TPGS2: variants seen among roughly 807,000 people sequenced by gnomAD.
The protein encoded by TPGS2 is polyglutamylase subunit 2.
A neutral mutation model predicts 31.1 loss-of-function variants in TPGS2; 26 were observed. The ratio of observed to expected loss-of-function variants is 0.84; its 90% confidence interval spans 0.61 to 1.16. TPGS2 has a LOEUF of 1.16. Among genes scored for constraint, TPGS2 ranks in the 50% most tolerant of loss-of-function variants. The pLI is 0.00. For missense variants in TPGS2, 351 were observed against 363.8 expected (o/e 0.96, Z 0.29); for synonymous variants, 130 against 136.6 (o/e 0.95, Z 0.34).
At chr18:36,783,059 G>A (rs970626043) in exon 7 of TPGS2, 13 of 398,460 alleles carry the variant, frequency 3.3e-5, no homozygotes, top group African/African-American at 1.0e-4. Flanking sequence ...CTTCTGCTCC[G>A]GATTCCTGTT....
chr18:36,817,179 T>A (rs1180423044), intron 2 of TPGS2, among the ~76,000 whole-genome samples: 2 of 152,174 alleles, frequency 1.3e-5, no homozygotes. Context: ...GGGATGCTGC[T>A]GAGCTGAGGT....
intron 2 of TPGS2, 60 bp downstream of exon 2, chr18:36,818,834 C>T (rs1050346303): frequency 4.1e-6 from 6 of 1,458,100 alleles, no homozygotes; most frequent in Non-Finnish European, 5.7e-6. Flanking sequence ...CTTTCCTTCT[C>T]AGGGACATTT....
At chr18:36,805,775 C>T (rs767793194) in intron 3 of TPGS2, among the ~76,000 whole-genome samples, 43 of 152,244 alleles carry the variant, frequency 2.8e-4, no homozygotes, top group Non-Finnish European at 6.0e-4. Context: ...GGAATACCAA[C>T]AAAGAACTGG....
chr18:36,811,614 T>C (rs766096255), intron 2 of TPGS2, among the ~76,000 whole-genome samples: 33 of 152,148 alleles, frequency 2.2e-4, no homozygotes, highest in South Asian at 2.1e-4. Flanking sequence ...GGGGAAGCCT[T>C]TGCATCTACA....
At chr18:36,816,701 C>T (rs1029308112) in intron 2 of TPGS2, among the ~76,000 whole-genome samples, 2 of 152,158 alleles carry the variant, frequency 1.3e-5, no homozygotes, top group African/African-American at 4.8e-5. Context: ...CTCCGCCTCC[C>T]AGGTTCAAGC....
intron 2 of TPGS2, chr18:36,817,482 C>T (rs1243741668): frequency 1.3e-5 from 2 of 150,394 alleles, no homozygotes; most frequent in African/African-American, 4.9e-5. Context: ...GTTGCTCAGG[C>T]TAGAGTGCAG....
rs2044426158 is a variant in TPGS2, at chr18:36,794,381, GC to G, written c.*2423del. Reference sequence around the variant, plus strand: ...TTATCATAACCCCCTTCCTTTGATAGCCTTTTGAGAACTCCCACTTGATTGC... The same window carrying G: ...TTATCATAACCCCCTTCCTTTGATAGCTTTTGAGAACTCCCACTTGATTGC... On this transcript the variant is annotated 3_prime_UTR_variant, in exon 7 of 7. Coordinates refer to ENST00000334295, the MANE Select transcript of TPGS2 (RefSeq NM_015476.4). 4 of 985,340 alleles carry G rather than the reference GC, an allele frequency of 4.1e-6. No homozygotes were observed. The highest frequency in any genetic ancestry group is 1.7e-5 in the African/African-American group (1 of 57,210). The allele number at this position is 985,340 out of a possible 1,614,324, so 61.0% of individuals were successfully genotyped here.
intron 1 of TPGS2, among the ~76,000 whole-genome samples, chr18:36,825,563 A>C (rs191994101): frequency 6.6e-6 from 1 of 152,286 alleles, no homozygotes; most frequent in Non-Finnish European, 1.5e-5. Flanking sequence ...GTGGCTTTAA[A>C]TTTTTTAAAT....
rs528687680 is a variant in TPGS2 at position 36,825,364 on chromosome 18, G to T, written c.85+3319C>A. Among the ~76,000 whole-genome samples the T allele has an allele frequency of 2.7e-5, 4 of 150,922 alleles. No individual in the cohort carries two copies. The South Asian group carries it at 8.4e-4, about 32-fold the overall frequency. On this transcript the variant is annotated intron_variant, in intron 1 of 6. Transcript: ENST00000334295. Reference sequence around the variant, plus strand: ...GGAGAATGGCTAGAACCCGGGAGGCGGAGCTTGCAGCGAGTGAAGAGCACA... The same window carrying T: ...GGAGAATGGCTAGAACCCGGGAGGCTGAGCTTGCAGCGAGTGAAGAGCACA...
intron 6 of TPGS2, chr18:36,786,587 G>A (rs550634157): frequency 4.4e-5 from 14 of 321,540 alleles, no homozygotes; most frequent in East Asian, 2.4e-4. Flanking sequence ...TTTAGATCCT[G>A]TTTATTATTT....
At chr18:36,785,983 C>G (rs2044116524) in intron 6 of TPGS2, among the ~76,000 whole-genome samples, 1 of 152,106 alleles carries the variant, frequency 6.6e-6, no homozygotes, top group Non-Finnish European at 1.5e-5. Flanking sequence ...GAAGGTGGTC[C>G]TAACGCATGT....
At chr18:36,782,837 A>G (rs2044047677), downstream of TPGS2, 1 of 361,686 alleles carries the variant, frequency 2.8e-6, no homozygotes, top group Admixed American at 4.6e-5. Flanking sequence ...AATGAAATGA[A>G]CGTTTGAAAA....
At chr18:36,788,217 T>C (rs2044190795) in intron 6 of TPGS2, among the ~76,000 whole-genome samples, 1 of 87,332 alleles carries the variant, frequency 1.1e-5, no homozygotes, top group African/African-American at 4.7e-5. Flanking sequence ...TTTTAGAATC[T>C]AATTTTCACA....
intron 1 of TPGS2, among the ~76,000 whole-genome samples, chr18:36,828,097 G>A (rs769378728): frequency 1.3e-5 from 2 of 152,138 alleles, no homozygotes; most frequent in South Asian, 4.1e-4. Context: ...GAACCCAGGA[G>A]GCGCAGGTTG....
At chr18:36,785,499 G>A (rs754977620) in intron 6 of TPGS2, among the ~76,000 whole-genome samples, 1 of 152,156 alleles carries the variant, frequency 6.6e-6, no homozygotes, top group Non-Finnish European at 1.5e-5. Flanking sequence ...CACTCTGATT[G>A]GTGAATGGAT....
At position 36,796,235 on chromosome 18, in the gene TPGS2, GGAA is replaced by G. The variant is rs2044519576; in HGVS notation, c.*567_*569del. ...AACATTAACAACAAAAATTAATTGA[GGAA>G]GAGCAGTATGAAAATATTCTAATGC... is the stretch of plus-strand genomic sequence containing the variant. On this transcript the variant is annotated 3_prime_UTR_variant, in exon 7 of 7. Coordinates refer to ENST00000334295, the MANE Select transcript of TPGS2 (RefSeq NM_015476.4). 4.1e-6 allele frequency: 4 copies of G among 985,286 alleles called. No individual in the cohort carries two copies. The highest frequency in any genetic ancestry group is 6.1e-5 in the Admixed American group (1 of 16,268). The allele number at this position is 985,286 out of a possible 1,614,324, so 61.0% of individuals were successfully genotyped here.
chr18:36,814,841 G>C (rs1355850304), intron 2 of TPGS2, among the ~76,000 whole-genome samples: 2 of 152,184 alleles, frequency 1.3e-5, no homozygotes, highest in Admixed American at 6.5e-5. Context: ...TCTTTAAGGA[G>C]AAGACTTTAC....
downstream of TPGS2, among the ~76,000 whole-genome samples, chr18:36,781,633 C>G (rs1478986660): frequency 6.6e-6 from 1 of 152,118 alleles, no homozygotes; most frequent in African/African-American, 2.4e-5. Context: ...CAGAGTGAGA[C>G]TCTGTCTCCA....
intron 2 of TPGS2, among the ~76,000 whole-genome samples, chr18:36,814,107 T>TG (rs2045552056): frequency 6.6e-6 from 1 of 152,228 alleles, no homozygotes; most frequent in Non-Finnish European, 1.5e-5. Flanking sequence ...AATTTTTATC[T>TG]GGGGATTGGA....
Sources: gnomAD v4.1 joint callset for allele counts (sites outside exome capture counted in the v4.1 genomes callset) on GRCh38, gnomAD v4.1.1 for gene constraint, MANE v1.5 for transcripts, NCBI Gene and HGNC (gene_info 2026-07-23, HGNC 2026-07-21) for gene names.